Variants in IL31RA observed in about 807,000 individuals in gnomAD.
IL31RA encodes the protein interleukin-31 receptor subunit alpha.
In IL31RA, 66 loss-of-function variants were observed where a neutral mutation model predicts 83.7. That is an observed-to-expected ratio of 0.79 (90% CI 0.65 to 0.97). IL31RA has a LOEUF of 0.97. Ranked by LOEUF, IL31RA falls within the 50% of genes least tolerant of loss-of-function variation. IL31RA has a pLI of 0.00. For synonymous variants in IL31RA, 325 were observed against 329.0 expected (o/e 0.99, Z 0.13); for missense variants, 798 against 919.4 (o/e 0.87, Z 1.71).
Position 55,917,076 on chromosome 5 carries a change from C to A in IL31RA, c.2251C>A (p.Leu751Ile). 1 of 1,614,192 alleles carries A rather than the reference C, an allele frequency of 6.2e-7. No individual in the cohort carries two copies. Among genetic ancestry groups the A allele is most frequent in the African/African-American group, 1.3e-5 (1 of 75,060 alleles). ...LKNSVTAREFLVSEKLPEHTK... is the reference protein window; with the variant it reads ...LKNSVTAREFIVSEKLPEHTK... ...AAATTCAGTGACAGCCAGGGAATTT[C>A]TTGTGTCTGAAAAACTTCCAGAGCA... The change falls in exon 15 of 15, where the codon CTT becomes ATT. Residue 751 changes from leucine (L) to isoleucine (I), a missense_variant. Leu to Ile is a conservative substitution (Grantham distance 5, BLOSUM62 2). Transcript: ENST00000652347.
chr5:55,910,698 T>C (rs2112575234), intron 12 of IL31RA, 26 bp downstream of exon 12: 1 of 1,612,702 alleles, frequency 6.2e-7, no homozygotes, highest in Non-Finnish European at 8.5e-7. Flanking sequence ...AAGCCTTAGG[T>C]ACCTCTCCCT....
intron 5 of IL31RA, among the ~76,000 whole-genome samples, chr5:55,889,142 T>C (rs956427693): frequency 2.6e-5 from 4 of 152,212 alleles, no homozygotes; most frequent in African/African-American, 9.7e-5. Context: ...AAAGCTAATA[T>C]TGAGCTAAAT....
At chr5:55,905,708 T>G (rs1266936751) in intron 8 of IL31RA, among the ~76,000 whole-genome samples, 1 of 152,200 alleles carries the variant, frequency 6.6e-6, no homozygotes, top group African/African-American at 2.4e-5. Context: ...GATTTTAAGG[T>G]CACCATCTCC....
At position 55,917,687 on chromosome 5, in the gene IL31RA, C is replaced by T. The variant is rs73118501; in HGVS notation, c.*567C>T. On this transcript the variant is annotated 3_prime_UTR_variant, in exon 15 of 15. Transcript: ENST00000652347. ...CTAAGGGGTTGTCTGAGGCTCCTCA[C>T]ATCCTCTTAGATCTCAAGTGCCTGT... is the stretch of plus-strand genomic sequence containing the variant. Among the ~76,000 whole-genome samples, 1,473 of 152,308 alleles carry T rather than the reference C, an allele frequency of 9.7e-3. 23 individuals carry two copies. The highest frequency in any genetic ancestry group is 0.034 in the African/African-American group (1,396 of 41,544).
chr5:55,866,331 C>T (rs542878631), intron 2 of IL31RA, among the ~76,000 whole-genome samples: 2 of 151,884 alleles, frequency 1.3e-5, no homozygotes, highest in African/African-American at 2.4e-5. Flanking sequence ...CACCAGGGAC[C>T]GGTTTCATGG....
At chr5:55,884,807 A>G (rs1580698286) in intron 5 of IL31RA, among the ~76,000 whole-genome samples, 1 of 152,064 alleles carries the variant, frequency 6.6e-6, no homozygotes. Context: ...ACATACCTCT[A>G]CTATCTTATC....
chr5:55,898,327 G>GC (rs1230556759), intron 7 of IL31RA, among the ~76,000 whole-genome samples: 33 of 45,974 alleles, frequency 7.2e-4, no homozygotes, highest in Admixed American at 3.5e-3. Context: ...CCACCCCCCC[G>GC]CCCCCCCGCA....
In IL31RA at chr5:55,917,148, G is replaced by T; in HGVS notation, c.*28G>T. The T allele has an allele frequency of 6.2e-7, 1 of 1,613,674 alleles. No individual in the cohort carries two copies. Among genetic ancestry groups the T allele is most frequent in the South Asian group, 1.1e-5 (1 of 91,024 alleles). ...GCGACCATAGCATGAGACCCTCGGG[G>T]CCTCAGTGTGGATGGCCCTTGCCAG... is the stretch of plus-strand genomic sequence containing the variant. On this transcript the variant is annotated 3_prime_UTR_variant, in exon 15 of 15. Transcript: ENST00000652347.
At chr5:55,890,640 G>A (rs1209821052) in intron 6 of IL31RA, among the ~76,000 whole-genome samples, 1 of 152,206 alleles carries the variant, frequency 6.6e-6, no homozygotes, top group Non-Finnish European at 1.5e-5. Flanking sequence ...AAAGTGTTGG[G>A]ATTACAGGCG....
At chr5:55,879,849 G>A (rs996756215) in intron 4 of IL31RA, among the ~76,000 whole-genome samples, 5 of 151,668 alleles carry the variant, frequency 3.3e-5, no homozygotes, top group African/African-American at 4.8e-5. Flanking sequence ...TATTCTGAGA[G>A]CTATTTTTAT....
Position 55,872,423 on chromosome 5 carries a change from T to A in IL31RA, c.426T>A (p.His142Gln). Reference sequence around the variant, plus strand: ...ATGGAGATGGTGTAATTAAATCTCATATGACATACTGGAGATTAGAGAACA... The same window carrying A: ...ATGGAGATGGTGTAATTAAATCTCAAATGACATACTGGAGATTAGAGAACA... ...AENGDGVIKS[H>Q]MTYWRLENIA... Residue 142 changes from histidine to glutamine, a missense_variant, in exon 4 of 15, where the codon CAT becomes CAA. Transcript: ENST00000652347. 1 of 1,606,852 alleles carries A rather than the reference T, an allele frequency of 6.2e-7. No homozygotes were observed. Among genetic ancestry groups the A allele is most frequent in the Non-Finnish European group, 8.5e-7 (1 of 1,173,590 alleles).
At chr5:55,845,929 G>T in the IL31RA span, among the ~76,000 whole-genome samples, 1 of 152,132 alleles carries the variant, frequency 6.6e-6, no homozygotes, top group Admixed American at 6.5e-5. Flanking sequence ...GAATTTGGTG[G>T]TTCTTATACG....
intron 8 of IL31RA, among the ~76,000 whole-genome samples, chr5:55,904,683 G>A (rs1021116834): frequency 3.9e-5 from 6 of 152,132 alleles, no homozygotes; most frequent in South Asian, 2.1e-4. Context: ...AAAAGGATCC[G>A]TCAACTGTGG....
chr5:55,894,052 T>C (rs116998878), intron 6 of IL31RA, among the ~76,000 whole-genome samples: 1 of 152,178 alleles, frequency 6.6e-6, no homozygotes, highest in African/African-American at 2.4e-5. Flanking sequence ...TAATAATCAG[T>C]TTAGCTTTGC....
At chr5:55,891,265 C>A (rs1747971262) in intron 6 of IL31RA, among the ~76,000 whole-genome samples, 1 of 152,192 alleles carries the variant, frequency 6.6e-6, no homozygotes, top group African/African-American at 2.4e-5. Context: ...AAGAGCCTTG[C>A]CCAGAGTCTG....
At chr5:55,847,150 G>C (rs1320133020), upstream of IL31RA, among the ~76,000 whole-genome samples, 6 of 150,238 alleles carry the variant, frequency 4.0e-5, no homozygotes, top group East Asian at 1.0e-3. Context: ...GGCTGAGGCA[G>C]GAGAATCACT....
chr5:55,914,786 G>A, intron 13 of IL31RA, 61 bp from the exon 14 acceptor site: 1 of 1,182,284 alleles, frequency 8.5e-7, no homozygotes, highest in Non-Finnish European at 1.3e-6. Flanking sequence ...TTTTGACTCA[G>A]CCATATGGTG....
chr5:55,888,871 A>G lies in IL31RA; in HGVS notation c.607-1099A>G, dbSNP rs116460216. On this transcript the variant is annotated intron_variant, in intron 5 of 14. Transcript: ENST00000652347. ...GTTCCAAAGTCCATCTGCGGCTGTCAGCTTTCTGCCATAGACACATATCCT... is the reference window on the plus strand; with the variant it reads ...GTTCCAAAGTCCATCTGCGGCTGTCGGCTTTCTGCCATAGACACATATCCT... 7.0e-3 allele frequency among the ~76,000 whole-genome samples: 1,065 copies of G among 152,316 alleles called. 12 individuals are homozygous for G. The highest frequency in any genetic ancestry group is 0.024 in the African/African-American group (1,018 of 41,568).
At chr5:55,911,877 A>G (rs894678931) in intron 12 of IL31RA, among the ~76,000 whole-genome samples, 1 of 152,234 alleles carries the variant, frequency 6.6e-6, no homozygotes, top group Non-Finnish European at 1.5e-5. Context: ...AAAGCCTCTT[A>G]TGCATCACAT....
Sources: allele counts gnomAD v4.1 joint callset (sites outside exome capture counted in the v4.1 genomes callset), GRCh38; gene constraint gnomAD v4.1.1; transcripts MANE v1.5; gene names NCBI Gene and HGNC (gene_info 2026-07-23, HGNC 2026-07-21).